GMDS: variants seen among roughly 807,000 people sequenced by gnomAD.
GMDS encodes GDP-mannose 4,6-dehydratase, also known as GDP-mannose 4,6 dehydratase.
In GMDS, 20 loss-of-function variants were observed where a neutral mutation model predicts 49.9. That is an observed-to-expected ratio of 0.40 (90% CI 0.28 to 0.58). The LOEUF is 0.58. Among genes scored for constraint, GMDS ranks in the 20% least tolerant of loss-of-function variants. The pLI is 0.42. For synonymous variants in GMDS, 177 were observed against 178.6 expected (o/e 0.99, Z 0.07); for missense variants, 362 against 481.4 (o/e 0.75, Z 2.32).
chr6:1,903,302 C>G (rs1342661495), intron 7 of GMDS, among the ~76,000 whole-genome samples: 1 of 152,196 alleles, frequency 6.6e-6, no homozygotes, highest in Non-Finnish European at 1.5e-5. Flanking sequence ...TTTCCTACTT[C>G]AAATGCAGTA....
rs191679166 is a variant in GMDS, at chr6:2,178,425, T to C, written c.103-53694A>G. Among the ~76,000 whole-genome samples the C allele has an allele frequency of 4.6e-5, 7 of 152,168 alleles. No individual in the cohort carries two copies. In the East Asian group the frequency reaches 1.3e-3, roughly 29 times the overall value. ...GAGGAGAAAGGGAAGAGGTGCCACA[T>C]GCTTTAAACAACCAGATCTCGTGGG... On this transcript the variant is annotated intron_variant, in intron 1 of 10. Transcript: ENST00000380815.
At chr6:2,107,996 A>T (rs987275261) in intron 4 of GMDS, among the ~76,000 whole-genome samples, 1 of 152,226 alleles carries the variant, frequency 6.6e-6, no homozygotes, top group Non-Finnish European at 1.5e-5. Context: ...AAATTACATA[A>T]GACAAGAAAA....
chr6:1,843,129 AAAAT>A (rs1757220783), intron 7 of GMDS, among the ~76,000 whole-genome samples: 2 of 151,214 alleles, frequency 1.3e-5, no homozygotes, highest in Admixed American at 6.6e-5. Flanking sequence ...AAAATAAAAT[AAAAT>A]AAAATAAAAT....
At chr6:1,734,977 C>T (rs754667322) in intron 8 of GMDS, among the ~76,000 whole-genome samples, 5 of 152,252 alleles carry the variant, frequency 3.3e-5, no homozygotes, top group South Asian at 2.1e-4. Context: ...AGCGTGTCCA[C>T]GCTACCTCGC....
intron 1 of GMDS, among the ~76,000 whole-genome samples, chr6:2,209,229 G>C (rs1169588056): frequency 6.6e-6 from 1 of 152,160 alleles, no homozygotes; most frequent in Admixed American, 6.5e-5. Flanking sequence ...AATACACTTG[G>C]TTGAAAAAAT....
At chr6:2,234,954 C>T (rs969764766) in intron 1 of GMDS, among the ~76,000 whole-genome samples, 2 of 152,170 alleles carry the variant, frequency 1.3e-5, no homozygotes, top group African/African-American at 2.4e-5. Flanking sequence ...GGAGAAACCC[C>T]GTCTCTACTA....
At chr6:2,099,067 T>C (rs1332007857) in intron 4 of GMDS, among the ~76,000 whole-genome samples, 1 of 152,182 alleles carries the variant, frequency 6.6e-6, no homozygotes, top group Non-Finnish European at 1.5e-5. Flanking sequence ...TAAAGACACA[T>C]TTTTAAAACA....
chr6:2,030,671 G>A (rs1469040441), intron 4 of GMDS, among the ~76,000 whole-genome samples: 1 of 152,100 alleles, frequency 6.6e-6, no homozygotes, highest in African/African-American at 2.4e-5. Context: ...TACTTTCTGA[G>A]GGTGAAGGTA....
chr6:1,984,108 T>TAACAG (rs1021646470), intron 4 of GMDS, among the ~76,000 whole-genome samples: 49 of 152,244 alleles, frequency 3.2e-4, no homozygotes, highest in Admixed American at 3.0e-3. Context: ...TTCAGCAAAC[T>TAACAG]AACAGAACAG....
intron 1 of GMDS, among the ~76,000 whole-genome samples, chr6:2,206,684 G>A (rs1490681452): frequency 6.6e-6 from 1 of 152,208 alleles, no homozygotes. Context: ...CATTCAGACT[G>A]CTGGGCCCCA....
intron 1 of GMDS, among the ~76,000 whole-genome samples, chr6:2,140,130 A>T (rs1776214094): frequency 6.6e-6 from 1 of 152,200 alleles, no homozygotes; most frequent in Non-Finnish European, 1.5e-5. Context: ...ATCTTTGCAG[A>T]TGTGATGAAG....
At chr6:2,230,039 C>T (rs914512359) in intron 1 of GMDS, among the ~76,000 whole-genome samples, 1 of 144,302 alleles carries the variant, frequency 6.9e-6, no homozygotes, top group East Asian at 2.0e-4. Context: ...TCCACAGTTG[C>T]GAGACTCCTC....
At position 2,037,334 on chromosome 6, in the gene GMDS, C is replaced by T. The variant is rs187016148; in HGVS notation, c.346-76368G>A. 4.4e-4 allele frequency among the ~76,000 whole-genome samples: 67 copies of T among 152,278 alleles called. No individual in the cohort carries two copies. In the South Asian group the frequency reaches 0.011, roughly 24 times the overall value. ...TAGAATCAGTCAAAAAACTACACGA[C>T]GTTGTTGTAACCAGAGCCTCCAAAT... On this transcript the variant is annotated intron_variant, in intron 4 of 10. Coordinates refer to ENST00000380815, the MANE Select transcript of GMDS (RefSeq NM_001500.4).
chr6:1,753,924 G>A (rs1172801173), intron 7 of GMDS, among the ~76,000 whole-genome samples: 1 of 152,130 alleles, frequency 6.6e-6, no homozygotes, highest in Non-Finnish European at 1.5e-5. Flanking sequence ...GCCCACAGGA[G>A]AATGCAGAAA....
At chr6:1,633,555 A>G (rs566906634) in intron 9 of GMDS, among the ~76,000 whole-genome samples, 101 of 151,792 alleles carry the variant, frequency 6.7e-4, no homozygotes, top group African/African-American at 2.3e-3. Context: ...GCGGGAGGGC[A>G]CTCTGTACTG....
At chr6:2,049,182 T>C (rs1770211817) in intron 4 of GMDS, among the ~76,000 whole-genome samples, 1 of 152,228 alleles carries the variant, frequency 6.6e-6, no homozygotes, top group South Asian at 2.1e-4. Context: ...TATTTTGTTA[T>C]GGCAACCTGA....
chr6:2,182,713 T>C (rs1778608046), intron 1 of GMDS, among the ~76,000 whole-genome samples: 1 of 152,226 alleles, frequency 6.6e-6, no homozygotes, highest in South Asian at 2.1e-4. Context: ...TCAAAAGATT[T>C]ACTTGTCTTT....
intron 9 of GMDS, among the ~76,000 whole-genome samples, chr6:1,678,579 A>AT (rs910855494): frequency 2.8e-4 from 41 of 145,854 alleles, no homozygotes; most frequent in Middle Eastern, 3.5e-3. Context: ...ATGGACTTTT[A>AT]TTTTTTTTTT....
chr6:1,853,614 C>A (rs1260593601), intron 7 of GMDS, among the ~76,000 whole-genome samples: 3 of 150,386 alleles, frequency 2.0e-5, no homozygotes, highest in Non-Finnish European at 4.4e-5. Context: ...GTGTACAGGG[C>A]AAGACATAAA....
Sources: gnomAD v4.1 joint callset for allele counts (sites outside exome capture counted in the v4.1 genomes callset) on GRCh38, gnomAD v4.1.1 for gene constraint, MANE v1.5 for transcripts, NCBI Gene and HGNC (gene_info 2026-07-23, HGNC 2026-07-21) for gene names.